Variants in CTNNA3 observed in about 807,000 individuals in gnomAD.
CTNNA3 encodes the protein catenin alpha 3.
Under a neutral mutation model 95.7 loss-of-function variants are expected in CTNNA3, and 76 were observed. That is an observed-to-expected ratio of 0.79 (90% confidence interval 0.66 to 0.96). CTNNA3 has a LOEUF of 0.96. Ranked by LOEUF, CTNNA3 falls within the 40% of genes least tolerant of loss-of-function variation. The pLI is 0.00. For synonymous variants in CTNNA3, 431 were observed against 374.4 expected (o/e 1.15, Z -1.74); for missense variants, 1,191 against 1,089.8 (o/e 1.09, Z -1.31).
At chr10:66,474,949 T>C (rs1839270724) in intron 11 of CTNNA3, among the ~76,000 whole-genome samples, 1 of 152,042 alleles carries the variant, frequency 6.6e-6, no homozygotes. Flanking sequence ...TTGAGTTCCT[T>C]ATATTTTCTG....
chr10:67,192,317 C>A (rs905912805), intron 6 of CTNNA3, among the ~76,000 whole-genome samples: 1 of 151,756 alleles, frequency 6.6e-6, no homozygotes, highest in Non-Finnish European at 1.5e-5. Context: ...AGGCAACACA[C>A]AGAAAGAATG....
intron 7 of CTNNA3, among the ~76,000 whole-genome samples, chr10:67,142,857 G>A (rs567040837): frequency 2.6e-5 from 4 of 152,154 alleles, no homozygotes; most frequent in South Asian, 2.1e-4. Flanking sequence ...GCTTGAACCC[G>A]GGAGGCAGAG....
At chr10:66,022,680 A>G (rs964148767) in intron 15 of CTNNA3, among the ~76,000 whole-genome samples, 3 of 152,218 alleles carry the variant, frequency 2.0e-5, no homozygotes, top group African/African-American at 7.2e-5. Context: ...CAAGAGATAC[A>G]CAATTGCTTA....
At chr10:67,260,531 A>C (rs550088280) in intron 5 of CTNNA3, among the ~76,000 whole-genome samples, 1 of 152,314 alleles carries the variant, frequency 6.6e-6, no homozygotes, top group African/African-American at 2.4e-5. Flanking sequence ...TCTCACATTC[A>C]ACACCTAGAA....
intron 13 of CTNNA3, among the ~76,000 whole-genome samples, chr10:66,237,178 C>T (rs956445384): frequency 3.3e-5 from 5 of 152,024 alleles, no homozygotes; most frequent in African/African-American, 1.2e-4. Flanking sequence ...TCTATATCCA[C>T]AATTATAAAA....
At chr10:66,840,837 A>T (rs1048816318) in intron 7 of CTNNA3, among the ~76,000 whole-genome samples, 4 of 152,148 alleles carry the variant, frequency 2.6e-5, no homozygotes, top group African/African-American at 9.7e-5. Context: ...AAGACTTATG[A>T]ATAGCCAAAG....
intron 15 of CTNNA3, among the ~76,000 whole-genome samples, chr10:66,043,793 C>G (rs2079758713): frequency 6.6e-6 from 1 of 152,148 alleles, no homozygotes; most frequent in Non-Finnish European, 1.5e-5. Flanking sequence ...TCAGCCAATA[C>G]TCACTGTTAA....
At chr10:67,461,000 G>C (rs917532065) in intron 5 of CTNNA3, among the ~76,000 whole-genome samples, 15 of 152,256 alleles carry the variant, frequency 9.9e-5, no homozygotes, top group African/African-American at 3.6e-4. Context: ...CAAGATCAGT[G>C]AGTAATTTGA....
intron 7 of CTNNA3, among the ~76,000 whole-genome samples, chr10:67,164,708 T>A (rs1333023779): frequency 6.6e-6 from 1 of 151,992 alleles, no homozygotes; most frequent in Admixed American, 6.6e-5. Context: ...ATACAAAAAA[T>A]CCTATTAGAA....
At chr10:66,078,996 G>A (rs1351646787) in intron 14 of CTNNA3, 1 of 151,740 alleles carries the variant, frequency 6.6e-6, no homozygotes. Flanking sequence ...GTAGACAGAA[G>A]GTGTATTAGT....
intron 9 of CTNNA3, among the ~76,000 whole-genome samples, chr10:66,730,389 G>C (rs1220918703): frequency 6.6e-6 from 1 of 152,146 alleles, no homozygotes. Context: ...TTATAAGTGG[G>C]AGCTGAATGA....
chr10:67,627,262 G>T (rs767269359), intron 2 of CTNNA3, among the ~76,000 whole-genome samples: 27 of 152,120 alleles, frequency 1.8e-4, no homozygotes, highest in Non-Finnish European at 3.2e-4. Context: ...TCCGTCCTCT[G>T]CCCTGGGCCC....
In CTNNA3 at chr10:66,452,801, G is replaced by A. The variant is rs79973854; in HGVS notation, c.1531+67816C>T. On this transcript the variant is annotated intron_variant, in intron 11 of 17. Coordinates refer to ENST00000433211, the MANE Select transcript of CTNNA3 (RefSeq NM_013266.4). Reference sequence around the variant, plus strand: ...GGTAAACCAACTTACCTGATCTCACGGCCCCCAGGAACTGACTCCATGCAA... The same window carrying A: ...GGTAAACCAACTTACCTGATCTCACAGCCCCCAGGAACTGACTCCATGCAA... Among the ~76,000 whole-genome samples the A allele has an allele frequency of 9.0e-3, 1,369 of 151,974 alleles. 19 individuals are homozygous for A. Among genetic ancestry groups the A allele is most frequent in the African/African-American group, 0.031 (1,299 of 41,430 alleles).
chr10:66,282,473 G>A (rs2091510565), intron 12 of CTNNA3, among the ~76,000 whole-genome samples: 1 of 151,518 alleles, frequency 6.6e-6, no homozygotes, highest in Non-Finnish European at 1.5e-5. Context: ...AGTCATTCAT[G>A]AAAAAAACCC....
intron 7 of CTNNA3, among the ~76,000 whole-genome samples, chr10:67,146,514 TAA>T (rs950929787): frequency 1.3e-5 from 2 of 152,182 alleles, no homozygotes; most frequent in Admixed American, 1.3e-4. Context: ...AGCACTCACA[TAA>T]ACCCATCTCA....
intron 12 of CTNNA3, among the ~76,000 whole-genome samples, chr10:66,331,338 G>GCTTGCTTGCTTTTT (rs1417713676): frequency 1.0e-4 from 4 of 39,116 alleles, no homozygotes; most frequent in African/African-American, 2.9e-4. Flanking sequence ...TTTCCCCATT[G>GCTTGCTTGCTTTTT]TTTGTTTTTT....
intron 11 of CTNNA3, among the ~76,000 whole-genome samples, chr10:66,388,328 T>G (rs1346882927): frequency 6.6e-6 from 1 of 152,126 alleles, no homozygotes; most frequent in African/African-American, 2.4e-5. Flanking sequence ...TAATTTCTCT[T>G]TAATTAAAGA....
intron 15 of CTNNA3, among the ~76,000 whole-genome samples, chr10:66,058,313 G>A (rs146703241): frequency 4.0e-4 from 61 of 152,210 alleles, no homozygotes; most frequent in African/African-American, 1.4e-3. Context: ...TCTCAGGGTT[G>A]TATCTTAGAA....
At chr10:66,932,807 G>A (rs1341669814) in intron 7 of CTNNA3, among the ~76,000 whole-genome samples, 2 of 152,230 alleles carry the variant, frequency 1.3e-5, no homozygotes, top group Middle Eastern at 3.4e-3. Context: ...GATGATTTTG[G>A]ATACTTAATA....
Sources: allele counts gnomAD v4.1 joint callset (sites outside exome capture counted in the v4.1 genomes callset), GRCh38; gene constraint gnomAD v4.1.1; transcripts MANE v1.5; gene names NCBI Gene and HGNC (gene_info 2026-07-23, HGNC 2026-07-21).